FGD6: variants seen among roughly 807,000 people sequenced by gnomAD.
FGD6 encodes the protein FYVE, RhoGEF and PH domain containing 6.
Under a neutral mutation model 149.4 loss-of-function variants are expected in FGD6, and 90 were observed. That is an observed-to-expected ratio of 0.60 (90% confidence interval 0.51 to 0.72). The LOEUF is 0.72. Ranked by LOEUF, FGD6 falls within the 30% of genes least tolerant of loss-of-function variation. The pLI is 0.00. For missense variants in FGD6, 1,437 were observed against 1,684.8 expected (o/e 0.85, Z 2.57); for synonymous variants, 527 against 584.0 (o/e 0.90, Z 1.41).
Position 95,094,600 on chromosome 12 carries a change from G to A in FGD6, c.3592C>T (p.Leu1198Phe). Residue 1198 changes from leucine to phenylalanine, a missense_variant, in exon 15 of 21, where the codon CTT becomes TTT. Physicochemically the swap from Leu to Phe is conservative, Grantham distance 22. Around this residue, in one of 2 missense-constraint regions of FGD6, gnomAD observed 382 missense variants for 538.7 expected, o/e 0.71. Transcript: ENST00000343958. Reference protein sequence around the residue: ...KRITFCPSRSLDEADSENKEE... With the variant: ...KRITFCPSRSFDEADSENKEE... ...AAAGGAGAAAACAATACCTCATCAA[G>A]ACTCCTACTAGGACAGAAGGTGATT... 6.3e-7 allele frequency: 1 copy of A among 1,586,500 alleles called. No individual in the cohort carries two copies.
intron 2 of FGD6, among the ~76,000 whole-genome samples, chr12:95,203,362 A>G (rs1248379657): frequency 1.3e-5 from 2 of 152,166 alleles, no homozygotes; most frequent in African/African-American, 4.8e-5. Flanking sequence ...TTCTGATTCC[A>G]CTTCCTCTCT....
intron 2 of FGD6, among the ~76,000 whole-genome samples, chr12:95,202,547 T>C (rs1347994072): frequency 1.3e-5 from 2 of 151,888 alleles, no homozygotes; most frequent in Non-Finnish European, 2.9e-5. Flanking sequence ...CTAATTCCTT[T>C]AAAAAAAATT....
intron 6 of FGD6, among the ~76,000 whole-genome samples, 186 bp downstream of exon 6, chr12:95,141,202 G>A (rs1016043698): frequency 4.6e-5 from 7 of 152,178 alleles, no homozygotes; most frequent in African/African-American, 7.2e-5. Context: ...CAGCCTGGGC[G>A]ACAGAATGAG....
chr12:95,126,465 A>G, intron 8 of FGD6: 1 of 802,942 alleles, frequency 1.2e-6, no homozygotes, highest in Non-Finnish European at 1.9e-6. Flanking sequence ...ATGGTGGCTC[A>G]CGCCTGTAAT....
chr12:95,162,612 T>C (rs996392541), intron 3 of FGD6, among the ~76,000 whole-genome samples: 1 of 152,100 alleles, frequency 6.6e-6, no homozygotes, highest in East Asian at 1.9e-4. Context: ...AATAACTACA[T>C]ATAAGCACAA....
At chr12:95,114,495 T>TGA (rs71435747) in intron 8 of FGD6, among the ~76,000 whole-genome samples, 1 of 98,838 alleles carries the variant, frequency 1.0e-5, no homozygotes, top group African/African-American at 4.0e-5. Context: ...CACACACACG[T>TGA]CAGACGTGCT....
Position 95,217,324 on chromosome 12 carries a change from G to C in FGD6, c.-84C>G. ...TCCATTGTTCCCACAGTTCGGGTAG[G>C]AGAGAAAAGCCCCCGCAGCGCCCAC... On this transcript the variant is annotated 5_prime_UTR_variant, in exon 1 of 21. Transcript: ENST00000343958. 6.7e-7 allele frequency: 1 copy of C among 1,493,280 alleles called. No individual in the cohort carries two copies. The highest frequency in any genetic ancestry group is 1.8e-4 in the Middle Eastern group (1 of 5,656). 92.5% of individuals were successfully genotyped at this position (1,493,280 alleles called of 1,614,324 possible). A position where few individuals can be genotyped will look rare whatever the true frequency, so the allele number is the denominator to read the frequency against.
At chr12:95,098,433 A>AAGACCAAATCCCACT (rs1435400011) in intron 14 of FGD6, among the ~76,000 whole-genome samples, 10 of 152,306 alleles carry the variant, frequency 6.6e-5, no homozygotes, top group African/African-American at 2.2e-4. Context: ...TCTTAGGCTA[A>AAGACCAAATCCCACT]AGACCAAATC....
chr12:95,207,588 C>A (rs545945584), intron 2 of FGD6, among the ~76,000 whole-genome samples: 4 of 152,124 alleles, frequency 2.6e-5, no homozygotes, highest in African/African-American at 9.7e-5. Context: ...AGAAGGAAGC[C>A]GCTGCAGTGG....
chr12:95,165,812 T>C lies in FGD6; in HGVS notation c.2586+6788A>G, dbSNP rs77903087. Among the ~76,000 whole-genome samples, 1,467 of 151,718 alleles carry C rather than the reference T, an allele frequency of 9.7e-3. 22 individuals are homozygous for C. The highest frequency in any genetic ancestry group is 0.034 in the African/African-American group (1,390 of 41,392). ...ACCACCATACCTGGCTAATTTTTTGTGTCTGTTTTTTTTTTGTAGGCATGG... is the reference window on the plus strand; with the variant it reads ...ACCACCATACCTGGCTAATTTTTTGCGTCTGTTTTTTTTTTGTAGGCATGG... On this transcript the variant is annotated intron_variant, in intron 3 of 20. Coordinates refer to ENST00000343958, the MANE Select transcript of FGD6 (RefSeq NM_018351.4).
Position 95,209,529 on chromosome 12 carries a change from A to C in FGD6, c.1755T>G (p.Ser585=). The C allele has an allele frequency of 6.2e-7, 1 of 1,614,044 alleles. No homozygotes were observed. Among genetic ancestry groups the C allele is most frequent in the Non-Finnish European group, 8.5e-7 (1 of 1,179,994 alleles). The part of the protein sequence containing the change: ...PFSGNPEFLK[S]VTVSSNSEPS... ...GCTCACTGTTTGACGATACGGTGACAGACTTTAAGAATTCTGGGTTCCCTG... is the reference window on the plus strand; with the variant it reads ...GCTCACTGTTTGACGATACGGTGACCGACTTTAAGAATTCTGGGTTCCCTG... The change falls in exon 2 of 21, where the codon TCT becomes TCG. Residue 585 remains serine, a synonymous_variant. Coordinates refer to ENST00000343958, the MANE Select transcript of FGD6 (RefSeq NM_018351.4).
In FGD6 at chr12:95,152,944, A is replaced by T; in HGVS notation, c.2636T>A (p.Ile879Asn). The T allele has an allele frequency of 6.2e-7, 1 of 1,614,050 alleles. No individual in the cohort carries two copies. The highest frequency in any genetic ancestry group is 8.5e-7 in the Non-Finnish European group (1 of 1,179,964). Residue 879 changes from isoleucine to asparagine, a missense_variant, in exon 4 of 21, where the codon ATC becomes AAC. Physicochemically the swap from Ile to Asn is moderately radical, Grantham distance 149. Around this residue, in one of 2 missense-constraint regions of FGD6, gnomAD observed 1,055 missense variants for 1,146.0 expected, o/e 0.92. Coordinates refer to ENST00000343958, the MANE Select transcript of FGD6 (RefSeq NM_018351.4). ...TACCTACACTTTCTCTGAGCTCATGATCTCCTTGGCAATATGATGAACTTT... is the reference window on the plus strand; with the variant it reads ...TACCTACACTTTCTCTGAGCTCATGTTCTCCTTGGCAATATGATGAACTTT... Reference protein sequence around the residue: ...KSKVHHIAKEIMSSEKVFVDV... With the variant: ...KSKVHHIAKENMSSEKVFVDV...
rs566400855 is a variant in FGD6, at chr12:95,107,412, C to A, written c.3333+151G>T. 660 of 634,362 alleles carry A rather than the reference C, an allele frequency of 1.0e-3. 5 individuals carry two copies. The highest frequency in any genetic ancestry group is 9.5e-4 in the Non-Finnish European group (352 of 372,100). The allele number at this position is 634,362 out of a possible 1,614,324, so 39.3% of individuals were successfully genotyped here. On this transcript the variant is annotated intron_variant, in intron 12 of 20. Coordinates refer to ENST00000343958, the MANE Select transcript of FGD6 (RefSeq NM_018351.4). ...ATCATAACAGACGTTATTTCCCATACTTGAAATGCAATTAAGTGGTACGGC... is the reference window on the plus strand; with the variant it reads ...ATCATAACAGACGTTATTTCCCATAATTGAAATGCAATTAAGTGGTACGGC...
chr12:95,113,230 T>TA (rs1878891844), intron 9 of FGD6, among the ~76,000 whole-genome samples: 2 of 100,878 alleles, frequency 2.0e-5, no homozygotes, highest in Non-Finnish European at 3.6e-5. Context: ...AGGCCTCAAG[T>TA]CTTTTTTTTT....
intron 2 of FGD6, among the ~76,000 whole-genome samples, chr12:95,174,807 AGTC>A (rs929055787): frequency 6.6e-6 from 1 of 151,272 alleles, no homozygotes; most frequent in Non-Finnish European, 1.5e-5. Flanking sequence ...GGGCGCCTGT[AGTC>A]CCAGCTACTC....
chr12:95,192,417 A>G (rs894149793), intron 2 of FGD6, among the ~76,000 whole-genome samples: 1 of 152,240 alleles, frequency 6.6e-6, no homozygotes, highest in African/African-American at 2.4e-5. Context: ...TTATTATACC[A>G]TAAACAGGAT....
At chr12:95,171,186 G>A (rs1311395267) in intron 3 of FGD6, among the ~76,000 whole-genome samples, 2 of 152,120 alleles carry the variant, frequency 1.3e-5, no homozygotes, top group Non-Finnish European at 2.9e-5. Context: ...CATAGCTGGT[G>A]GATCTGGGAC....
intron 2 of FGD6, among the ~76,000 whole-genome samples, chr12:95,175,799 CAAA>C (rs61051041): frequency 1.0e-4 from 4 of 38,898 alleles, no homozygotes; most frequent in African/African-American, 1.0e-4. Context: ...GACTCTGTCT[CAAA>C]AAAAAAAAAA....
chr12:95,175,388 G>C (rs890545403), intron 2 of FGD6, among the ~76,000 whole-genome samples: 5 of 152,102 alleles, frequency 3.3e-5, no homozygotes, highest in African/African-American at 1.2e-4. Flanking sequence ...AATTTTAATG[G>C]TGCAGGTGGC....
Sources: allele counts gnomAD v4.1 joint callset (sites outside exome capture counted in the v4.1 genomes callset), GRCh38; gene constraint gnomAD v4.1.1; regional missense constraint gnomAD v4.1.1; transcripts MANE v1.5; gene names NCBI Gene and HGNC (gene_info 2026-07-23, HGNC 2026-07-21).